The following TASP1 variants were observed in gnomAD, a reference collection of about 807,000 sequenced individuals.
TASP1 encodes the protein threonine aspartase 1.
TASP1 carries 16 observed loss-of-function variants against 56.6 expected under a neutral mutation model. The observed-to-expected ratio is 0.28, with a 90% CI of 0.19 to 0.43. TASP1 has a LOEUF of 0.43. Among genes scored for constraint, TASP1 ranks in the 20% least tolerant of loss-of-function variants. The probability of loss-of-function intolerance (pLI) is 1.00; values close to 1 mark genes in which losing one functional copy is unlikely to be tolerated. For synonymous variants in TASP1, 179 were observed against 184.2 expected, an observed-to-expected ratio of 0.97 and a Z score of 0.23; for missense variants, 393 against 511.6, an observed-to-expected ratio of 0.77 and a Z score of 2.24.
At chr20:13,490,918 A>G (rs2043504597) in intron 10 of TASP1, among the ~76,000 whole-genome samples, 1 of 152,176 alleles carries the variant, frequency 6.6e-6, no homozygotes, top group South Asian at 2.1e-4. Flanking sequence ...CCATAGAGTA[A>G]GCACTTAATA....
At chr20:13,358,784 G>A in the TASP1 span, among the ~76,000 whole-genome samples, 1 of 149,914 alleles carries the variant, frequency 6.7e-6, no homozygotes, top group Non-Finnish European at 1.5e-5. Context: ...ATTCACCCAC[G>A]TTTCAAGGGT....
chr20:13,256,864 T>C, the TASP1 span, among the ~76,000 whole-genome samples: 1 of 152,226 alleles, frequency 6.6e-6, no homozygotes, highest in East Asian at 1.9e-4. Context: ...AAGTGATACG[T>C]AAAAGTGTTT....
intron 8 of TASP1, among the ~76,000 whole-genome samples, chr20:13,555,382 TA>T (rs59279659): frequency 0.4 from 39,542 of 98,444 alleles, 7,165 homozygotes; most frequent in South Asian, 0.55. Flanking sequence ...AGACTCCCTC[TA>T]AAAAAAAAAA....
chr20:13,245,914 C>T, the TASP1 span, among the ~76,000 whole-genome samples: 5 of 152,138 alleles, frequency 3.3e-5, no homozygotes, highest in South Asian at 2.1e-4. Context: ...TCCTTGTACC[C>T]GCCCACTCCG....
At chr20:13,364,450 A>G in the TASP1 span, among the ~76,000 whole-genome samples, 1 of 152,104 alleles carries the variant, frequency 6.6e-6, no homozygotes, top group East Asian at 1.9e-4. Flanking sequence ...TCAGAGATTA[A>G]TGGCCCCATG....
the TASP1 span, among the ~76,000 whole-genome samples, chr20:13,341,200 T>C: frequency 6.6e-6 from 1 of 152,210 alleles, no homozygotes; most frequent in Non-Finnish European, 1.5e-5. Flanking sequence ...TGTCATCAAA[T>C]GTCATCGTGG....
chr20:13,531,573 C>T (rs916320101), intron 9 of TASP1, among the ~76,000 whole-genome samples: 18 of 151,360 alleles, frequency 1.2e-4, no homozygotes, highest in African/African-American at 3.4e-4. Context: ...TCACTGCAAC[C>T]TCAGCCTCTC....
chr20:13,187,141 C>T, the TASP1 span, among the ~76,000 whole-genome samples: 2 of 152,044 alleles, frequency 1.3e-5, no homozygotes, highest in East Asian at 1.9e-4. Flanking sequence ...AAAGAATCAG[C>T]GCGCTTGGAG....
At chr20:13,219,152 C>G in the TASP1 span, among the ~76,000 whole-genome samples, 1 of 152,152 alleles carries the variant, frequency 6.6e-6, no homozygotes, top group Non-Finnish European at 1.5e-5. Flanking sequence ...GCCCCTGGAT[C>G]CTAATTCAGA....
the TASP1 span, among the ~76,000 whole-genome samples, chr20:13,195,502 G>A: frequency 1.3e-5 from 2 of 152,308 alleles, no homozygotes; most frequent in South Asian, 2.1e-4. Context: ...CCTTGCTTCC[G>A]AGATGGGATC....
the TASP1 span, chr20:13,160,208 T>C: frequency 2.0e-6 from 3 of 1,485,592 alleles, no homozygotes; most frequent in African/African-American, 2.8e-5. Context: ...TTGAGACAGC[T>C]TGGGGTTCTC....
the TASP1 span, among the ~76,000 whole-genome samples, chr20:13,198,111 T>C: frequency 1.3e-5 from 2 of 152,230 alleles, no homozygotes; most frequent in African/African-American, 4.8e-5. Context: ...ATTTTAATAT[T>C]ACTCTTCATA....
At chr20:13,278,128 G>C in the TASP1 span, among the ~76,000 whole-genome samples, 3 of 152,192 alleles carry the variant, frequency 2.0e-5, no homozygotes, top group Non-Finnish European at 2.9e-5. Flanking sequence ...CATCCAGGGG[G>C]TGTTGCAAGA....
chr20:13,277,357 A>G, the TASP1 span, among the ~76,000 whole-genome samples: 1 of 152,130 alleles, frequency 6.6e-6, no homozygotes, highest in Non-Finnish European at 1.5e-5. Context: ...GGCTCTTGGC[A>G]GCCTCTCCCC....
the TASP1 span, among the ~76,000 whole-genome samples, chr20:13,216,763 G>A: frequency 1.3e-5 from 2 of 152,176 alleles, no homozygotes; most frequent in African/African-American, 4.8e-5. Flanking sequence ...GTAGGGGTCA[G>A]GTAGGGACTC....
chr20:13,291,447 G>A, the TASP1 span, among the ~76,000 whole-genome samples: 123 of 152,164 alleles, frequency 8.1e-4, no homozygotes, highest in Non-Finnish European at 2.2e-4. Context: ...TAAGTTTGAG[G>A]TGCCTCACAT....
At chr20:13,409,939 G>A in intron 13 of TASP1, among the ~76,000 whole-genome samples, 1 of 152,052 alleles carries the variant, frequency 6.6e-6, no homozygotes, top group Non-Finnish European at 1.5e-5. Context: ...CTATCTAACT[G>A]TACCCATTGA....
chr20:13,244,102 A>G, the TASP1 span: 10,454 of 152,296 alleles, frequency 0.069, 475 homozygotes, highest in Middle Eastern at 0.14. Flanking sequence ...AGACAAATCC[A>G]AACAAGGTAC....
the TASP1 span, among the ~76,000 whole-genome samples, chr20:13,282,685 A>T: frequency 1.3e-5 from 2 of 152,242 alleles, no homozygotes; most frequent in Non-Finnish European, 2.9e-5. Context: ...ATTAGACTGG[A>T]CATCGGGATT....
Sources: gnomAD v4.1 joint callset for allele counts (sites outside exome capture counted in the v4.1 genomes callset) on GRCh38, gnomAD v4.1.1 for gene constraint, MANE v1.5 for transcripts, NCBI Gene and HGNC (gene_info 2026-07-23, HGNC 2026-07-21) for gene names.